The following PCDH7 variants were observed in gnomAD, a reference collection of about 807,000 sequenced individuals.
PCDH7 encodes protocadherin 7, also known as protocadherin-7.
Under a neutral mutation model 58.9 loss-of-function variants are expected in PCDH7, and 17 were observed. The observed-to-expected ratio is 0.29, with a 90% CI of 0.20 to 0.43. The LOEUF (loss-of-function observed/expected upper bound fraction) is 0.43, where lower values mean the gene tolerates loss of function less well. Ranked by LOEUF, PCDH7 falls within the 20% of genes least tolerant of loss-of-function variation. The pLI is 1.00. For synonymous variants in PCDH7, 664 were observed against 616.4 expected (o/e 1.08, Z -1.14); for missense variants, 1,274 against 1,441.0 (o/e 0.88, Z 1.88).
intron 1 of PCDH7, among the ~76,000 whole-genome samples, chr4:30,739,709 G>A (rs951773231): frequency 6.6e-6 from 1 of 152,104 alleles, no homozygotes; most frequent in African/African-American, 2.4e-5. Flanking sequence ...GTATTCATAT[G>A]CATATATACA....
At chr4:30,894,297 C>A (rs985870213) in intron 1 of PCDH7, among the ~76,000 whole-genome samples, 1 of 150,282 alleles carries the variant, frequency 6.7e-6, no homozygotes, top group South Asian at 2.1e-4. Flanking sequence ...CCTATTAAGT[C>A]GGGGAGTTGT....
At position 30,937,936 on chromosome 4, in the gene PCDH7, C is replaced by T. The variant is rs1745554572; in HGVS notation, c.288-12184C>T. ...CGTGTGTAGTTTGCTAATAATTGAC[C>T]TCGTCATTAAGCAACTTTCAGCCCT... On this transcript the variant is annotated intron_variant, in intron 2 of 3. Coordinates refer to the PCDH7 transcript ENST00000509759. Among the ~76,000 whole-genome samples, 7 of 149,564 alleles carry T rather than the reference C, an allele frequency of 4.7e-5. No individual in the cohort carries two copies. In the Admixed American group the frequency reaches 4.7e-4, roughly 10 times the overall value.
chr4:31,131,961 C>T (rs1448820088), intron 3 of PCDH7, among the ~76,000 whole-genome samples: 1 of 152,016 alleles, frequency 6.6e-6, no homozygotes, highest in South Asian at 2.1e-4. Context: ...AAGTAATCAC[C>T]TTTCAATTCT....
intron 2 of PCDH7, among the ~76,000 whole-genome samples, chr4:30,944,443 A>G (rs1746433627): frequency 6.6e-6 from 1 of 152,170 alleles, no homozygotes; most frequent in Admixed American, 6.6e-5. Context: ...CAGCAGATAT[A>G]CCCCACATAA....
chr4:30,902,332 G>A (rs1280535644), intron 1 of PCDH7, among the ~76,000 whole-genome samples: 1 of 152,008 alleles, frequency 6.6e-6, no homozygotes, highest in African/African-American at 2.4e-5. Context: ...ACTGAGTGCA[G>A]GTAATAAATG....
chr4:31,062,974 A>G (rs1236633244), intron 3 of PCDH7, among the ~76,000 whole-genome samples: 1 of 151,834 alleles, frequency 6.6e-6, no homozygotes, highest in Non-Finnish European at 1.5e-5. Flanking sequence ...AACTACAGAA[A>G]GAGAGAATAT....
At chr4:31,024,990 G>C (rs369168076) in intron 3 of PCDH7, among the ~76,000 whole-genome samples, 1 of 152,184 alleles carries the variant, frequency 6.6e-6, no homozygotes, top group East Asian at 1.9e-4. Flanking sequence ...TGACCCACCC[G>C]CCTCGGCCTC....
chr4:31,012,990 G>A (rs1374492836), intron 3 of PCDH7, among the ~76,000 whole-genome samples: 2 of 150,374 alleles, frequency 1.3e-5, no homozygotes, highest in African/African-American at 4.8e-5. Context: ...GCCCAAGCCT[G>A]GGCAACAAAG....
At chr4:30,830,208 T>C (rs1036918137) in intron 1 of PCDH7, among the ~76,000 whole-genome samples, 1 of 152,092 alleles carries the variant, frequency 6.6e-6, no homozygotes, top group East Asian at 1.9e-4. Context: ...TATATCATAA[T>C]TGCTTAAAAC....
chr4:30,932,635 A>G (rs1049901921), intron 2 of PCDH7, among the ~76,000 whole-genome samples: 2 of 152,040 alleles, frequency 1.3e-5, no homozygotes, highest in African/African-American at 4.8e-5. Flanking sequence ...ATGTGTATGC[A>G]CTCCCCATTG....
intron 2 of PCDH7, among the ~76,000 whole-genome samples, chr4:30,943,462 G>A (rs1466332775): frequency 1.3e-5 from 2 of 152,160 alleles, no homozygotes; most frequent in Admixed American, 6.6e-5. Flanking sequence ...CATGCAGCCA[G>A]TGAGTGGCTG....
intron 3 of PCDH7, among the ~76,000 whole-genome samples, chr4:30,993,338 T>C (rs541585013): frequency 9.2e-5 from 14 of 152,198 alleles, no homozygotes; most frequent in Non-Finnish European, 1.8e-4. Flanking sequence ...TCAGATACAT[T>C]CAAGTCTGGT....
At chr4:31,007,564 T>C (rs1365298343) in intron 3 of PCDH7, among the ~76,000 whole-genome samples, 2 of 151,842 alleles carry the variant, frequency 1.3e-5, no homozygotes, top group African/African-American at 2.4e-5. Flanking sequence ...TTCACACAGT[T>C]TCTAGAAGAT....
At position 30,973,775 on chromosome 4, in the gene PCDH7, T is replaced by C. The variant is rs2109476122; in HGVS notation, c.*7+23560T>C. Among the ~76,000 whole-genome samples, 4 of 152,134 alleles carry C rather than the reference T, an allele frequency of 2.6e-5. 1 individual carries two copies. The highest frequency in any genetic ancestry group is 2.6e-4 in the Admixed American group (4 of 15,292). On this transcript the variant is annotated intron_variant, in intron 3 of 3. Transcript: ENST00000509759. ...ATGTGCTTGAGAGTGAAAATTGTAT[T>C]AGTTTCTATTGTAATCTATCTCCAT... is the stretch of plus-strand genomic sequence containing the variant.
intron 3 of PCDH7, among the ~76,000 whole-genome samples, chr4:30,956,651 A>C (rs1747890417): frequency 6.6e-6 from 1 of 152,362 alleles, no homozygotes; most frequent in African/African-American, 2.4e-5. Context: ...ATAGAATCAT[A>C]AAGTATTTTA....
At chr4:30,846,988 T>C (rs1439054404) in intron 1 of PCDH7, among the ~76,000 whole-genome samples, 1 of 151,918 alleles carries the variant, frequency 6.6e-6, no homozygotes, top group Non-Finnish European at 1.5e-5. Flanking sequence ...CTGGGCATGG[T>C]GGCATGTTCA....
downstream of PCDH7, chr4:31,144,010 A>G (rs181494264): frequency 3.3e-5 from 5 of 152,326 alleles, no homozygotes; most frequent in Admixed American, 3.3e-4. Flanking sequence ...GTTAAGAAAG[A>G]TGCATTGGCA....
downstream of PCDH7, among the ~76,000 whole-genome samples, chr4:30,735,171 T>C (rs1017200002): frequency 6.6e-6 from 1 of 152,110 alleles, no homozygotes; most frequent in South Asian, 2.1e-4. Context: ...GTTTTTAGCA[T>C]TTTTCTGAAT....
rs1969048 is a variant in PCDH7 at position 31,097,184 on chromosome 4, C to T, written c.*8-45289C>T. Among the ~76,000 whole-genome samples, 151 of 152,108 alleles carry T rather than the reference C, an allele frequency of 9.9e-4. 1 individual carries two copies. The highest frequency in any genetic ancestry group is 3.4e-3 in the African/African-American group (142 of 41,526). On this transcript the variant is annotated intron_variant, in intron 3 of 3. Transcript: ENST00000509759. ...ACTTCTATCTTTAAGTGTCTGGGCG[C>T]GGTGGCTCACACCTGCAATCCCAGC...
Sources: gnomAD v4.1 joint callset for allele counts (sites outside exome capture counted in the v4.1 genomes callset) on GRCh38, gnomAD v4.1.1 for gene constraint, MANE v1.5 for transcripts, NCBI Gene and HGNC (gene_info 2026-07-23, HGNC 2026-07-21) for gene names.